DAB1: variants seen among roughly 807,000 people sequenced by gnomAD.
DAB1 encodes DAB adaptor protein 1, also known as disabled homolog 1.
DAB1 carries 15 observed loss-of-function variants against 64.6 expected under a neutral mutation model. That is an observed-to-expected ratio of 0.23 (90% CI 0.16 to 0.36). The LOEUF (loss-of-function observed/expected upper bound fraction) is 0.36, where lower values mean the gene tolerates loss of function less well. Ranked by LOEUF, DAB1 falls within the 10% of genes least tolerant of loss-of-function variation. The pLI is 1.00. For synonymous variants in DAB1, 235 were observed against 251.9 expected, an observed-to-expected ratio of 0.93 and a Z score of 0.64; for missense variants, 596 against 706.7, an observed-to-expected ratio of 0.84 and a Z score of 1.78.
chr1:57,142,288 A>C (rs1470494537), intron 3 of DAB1, among the ~76,000 whole-genome samples: 1 of 151,872 alleles, frequency 6.6e-6, no homozygotes, highest in African/African-American at 2.4e-5. Context: ...CATATGGCCT[A>C]ACGTGAGTAA....
intron 4 of DAB1, among the ~76,000 whole-genome samples, chr1:58,228,261 C>A (rs973066753): frequency 1.3e-5 from 2 of 152,182 alleles, no homozygotes; most frequent in South Asian, 4.2e-4. Context: ...TTTTTAAAAC[C>A]GAATGCTGAT....
intron 1 of DAB1, among the ~76,000 whole-genome samples, chr1:57,346,340 C>G (rs893223284): frequency 6.6e-6 from 1 of 152,148 alleles, no homozygotes; most frequent in Non-Finnish European, 1.5e-5. Flanking sequence ...TTGAAGATTC[C>G]TCAAAGAGAT....
chr1:57,841,616 C>T (rs555710528), intron 1 of DAB1, among the ~76,000 whole-genome samples: 158 of 152,374 alleles, frequency 1.0e-3, no homozygotes, highest in African/African-American at 3.7e-3. Flanking sequence ...GGCTTGCACC[C>T]TCTGAATCAA....
intron 2 of DAB1, among the ~76,000 whole-genome samples, chr1:57,265,784 A>G (rs1386679181): frequency 6.6e-6 from 1 of 152,226 alleles, no homozygotes; most frequent in Non-Finnish European, 1.5e-5. Flanking sequence ...GCAGGCTTGG[A>G]GTGGAACTAG....
intron 1 of DAB1, among the ~76,000 whole-genome samples, chr1:57,354,201 A>G (rs1176330863): frequency 1.3e-5 from 2 of 152,064 alleles, no homozygotes; most frequent in Non-Finnish European, 2.9e-5. Context: ...TTACATACAG[A>G]CTCAGGGTCC....
intron 6 of DAB1, among the ~76,000 whole-genome samples, chr1:57,754,425 C>T (rs1648697008): frequency 6.6e-6 from 1 of 152,026 alleles, no homozygotes; most frequent in African/African-American, 2.4e-5. Flanking sequence ...GTGGCTCATG[C>T]TTGTAATCCC....
At chr1:57,087,444 A>G in intron 4 of DAB1, among the ~76,000 whole-genome samples, 1 of 152,244 alleles carries the variant, frequency 6.6e-6, no homozygotes, top group East Asian at 1.9e-4. Context: ...ACTGTAAGGC[A>G]CAGACAGCAG....
intron 6 of DAB1, among the ~76,000 whole-genome samples, chr1:57,679,464 A>C (rs1436889427): frequency 1.3e-5 from 2 of 152,354 alleles, no homozygotes; most frequent in East Asian, 3.9e-4. Context: ...CATCATCTTT[A>C]GCCACTCTGA....
chr1:57,736,628 C>T (rs1378142407), intron 6 of DAB1, among the ~76,000 whole-genome samples: 1 of 151,722 alleles, frequency 6.6e-6, no homozygotes, highest in South Asian at 2.1e-4. Context: ...GCTTTTACGA[C>T]CTGCATTATT....
At chr1:57,606,637 ATATGAAATATATATTATG>A (rs1159225473) in intron 7 of DAB1, among the ~76,000 whole-genome samples, 22 of 117,618 alleles carry the variant, frequency 1.9e-4, no homozygotes, top group African/African-American at 6.6e-4. Context: ...AATATATTAT[ATATGAAATATATATTATG>A]TATGAAATAT....
chr1:58,075,017 A>G (rs1483829006), intron 5 of DAB1, among the ~76,000 whole-genome samples: 1 of 152,160 alleles, frequency 6.6e-6, no homozygotes, highest in African/African-American at 2.4e-5. Context: ...AAACACTTCC[A>G]CCAACAGAAC....
At chr1:57,145,160 G>A (rs1165807379) in intron 3 of DAB1, 130 bp downstream of exon 3, 1 of 851,922 alleles carries the variant, frequency 1.2e-6, no homozygotes, top group African/African-American at 1.7e-5. Context: ...GAAAAAATAT[G>A]GTGATTCAAC....
intron 1 of DAB1, among the ~76,000 whole-genome samples, chr1:58,537,241 A>G (rs562204374): frequency 6.6e-6 from 1 of 152,182 alleles, no homozygotes; most frequent in Non-Finnish European, 1.5e-5. Context: ...TAGCCACTTA[A>G]TAGGGATAAA....
At chr1:58,413,924 G>A (rs941923745) in intron 3 of DAB1, among the ~76,000 whole-genome samples, 3 of 152,164 alleles carry the variant, frequency 2.0e-5, no homozygotes, top group African/African-American at 7.2e-5. Context: ...ATCATAGAGT[G>A]TACTTAATGC....
At chr1:58,189,394 G>C (rs903782148) in intron 4 of DAB1, among the ~76,000 whole-genome samples, 2 of 152,228 alleles carry the variant, frequency 1.3e-5, no homozygotes, top group African/African-American at 2.4e-5. Flanking sequence ...TTTTACAAAT[G>C]ATGAAACTGG....
intron 4 of DAB1, among the ~76,000 whole-genome samples, chr1:58,243,338 A>C (rs1348082119): frequency 6.6e-6 from 1 of 152,174 alleles, no homozygotes; most frequent in Non-Finnish European, 1.5e-5. Flanking sequence ...TTCAGAAAAA[A>C]AAATTGTTTT....
intron 2 of DAB1, among the ~76,000 whole-genome samples, chr1:57,260,472 T>C (rs895787561): frequency 1.3e-5 from 2 of 152,140 alleles, no homozygotes; most frequent in Non-Finnish European, 2.9e-5. Context: ...GGATTCCACA[T>C]CCAGCAGTGA....
intron 5 of DAB1, among the ~76,000 whole-genome samples, chr1:58,124,692 T>C (rs899813783): frequency 2.0e-5 from 3 of 152,208 alleles, no homozygotes; most frequent in East Asian, 1.9e-4. Flanking sequence ...AGAATGTAGA[T>C]TGCGGAGTCA....
chr1:58,118,503 T>TATATATATACATATAC (rs1341446315), intron 5 of DAB1, among the ~76,000 whole-genome samples: 1 of 53,126 alleles, frequency 1.9e-5, no homozygotes, highest in Non-Finnish European at 2.9e-5. Flanking sequence ...TATATATATA[T>TATATATATACATATAC]ACACACACAC....
Sources: gnomAD v4.1 joint callset for allele counts (sites outside exome capture counted in the v4.1 genomes callset) on GRCh38, gnomAD v4.1.1 for gene constraint, MANE v1.5 for transcripts, NCBI Gene and HGNC (gene_info 2026-07-23, HGNC 2026-07-21) for gene names.